Variants in ZNF718 observed in about 807,000 individuals in gnomAD.
ZNF718 encodes the protein zinc finger protein 718.
A neutral mutation model predicts 2.6 loss-of-function variants in ZNF718; 3 were observed. The observed-to-expected ratio is 1.16, with a 90% CI of 0.53 to 3.01. The LOEUF (loss-of-function observed/expected upper bound fraction) is 3.01, where lower values mean the gene tolerates loss of function less well. ZNF718 is among the 30% of genes most tolerant of loss of function. The pLI is 0.03. For missense variants in ZNF718, 468 were observed against 230.0 expected (o/e 2.03, Z -6.69); for synonymous variants, 135 against 77.9 (o/e 1.73, Z -3.86).
chr4:161,445 C>T lies in ZNF718; in HGVS notation c.760C>T (p.Pro254Ser), dbSNP rs1418146978. Reference protein sequence around the residue: ...KHKRIHTGEKPYICEKCGKAF... With the variant: ...KHKRIHTGEKSYICEKCGKAF... ...TAAGAGAATTCATACTGGAGAGAAA[C>T]CCTACATATGTGAAAAATGTGGTAA... is the stretch of plus-strand genomic sequence containing the variant. Residue 254 changes from proline to serine, a missense_variant, in exon 4 of 4, where the codon CCC (proline) becomes TCC (serine). Pro to Ser is a moderately conservative substitution (Grantham distance 74). Coordinates refer to ENST00000510175, the MANE Select transcript of ZNF718 (RefSeq NM_001039127.6). 1.3e-6 allele frequency: 1 copy of T among 780,242 alleles called. No individual in the cohort carries two copies. The highest frequency in any genetic ancestry group is 2.4e-5 in the East Asian group (1 of 41,224). 48.3% of individuals were successfully genotyped at this position (780,242 alleles called of 1,614,324 possible). A position where few individuals can be genotyped will look rare whatever the true frequency, so the allele number is the denominator to read the frequency against.
intron 3 of ZNF718, among the ~76,000 whole-genome samples, chr4:153,565 A>AG (rs1716432375): frequency 8.3e-6 from 1 of 121,196 alleles, no homozygotes; most frequent in African/African-American, 3.2e-5. Context: ...TCAGTTTTTC[A>AG]TATTTTTATC....
chr4:189,512 T>C (rs1717652008), intron 3 of ZNF718, among the ~76,000 whole-genome samples: 1 of 152,192 alleles, frequency 6.6e-6, no homozygotes, highest in Admixed American at 6.5e-5. Context: ...TTAATAAACT[T>C]TATTAGTTCA....
chr4:179,262 A>G (rs1312371778), intron 3 of ZNF718, among the ~76,000 whole-genome samples: 1 of 152,192 alleles, frequency 6.6e-6, no homozygotes, highest in Non-Finnish European at 1.5e-5. Context: ...TCTTTATGCC[A>G]ATATCACAAT....
chr4:168,140 G>A (rs1209435906), downstream of ZNF718, among the ~76,000 whole-genome samples: 3 of 152,144 alleles, frequency 2.0e-5, no homozygotes, highest in Non-Finnish European at 4.4e-5. Flanking sequence ...CTGTTTAGAT[G>A]CTGGATTACG....
intron 3 of ZNF718, among the ~76,000 whole-genome samples, chr4:170,804 A>G (rs1485021527): frequency 2.0e-5 from 3 of 152,068 alleles, no homozygotes; most frequent in Non-Finnish European, 4.4e-5. Flanking sequence ...TTCCTCCTTT[A>G]GTTCGGAGTA....
chr4:144,043 A>C (rs150693888), intron 3 of ZNF718, among the ~76,000 whole-genome samples: 1 of 152,268 alleles, frequency 6.6e-6, no homozygotes, highest in African/African-American at 2.4e-5. Context: ...TCCTCTCCAT[A>C]GGGCATCCAC....
chr4:185,123 T>G (rs1717541569), intron 3 of ZNF718, among the ~76,000 whole-genome samples: 1 of 152,158 alleles, frequency 6.6e-6, no homozygotes, highest in African/African-American at 2.4e-5. Flanking sequence ...TTTTAGCTTT[T>G]TAATATGGAC....
downstream of ZNF718, among the ~76,000 whole-genome samples, chr4:166,141 G>A (rs1717081926): frequency 6.6e-6 from 1 of 152,088 alleles, no homozygotes; most frequent in African/African-American, 2.4e-5. Flanking sequence ...GAGAATGATG[G>A]TTTCCAGCTT....
chr4:143,147 A>G (rs1553810558), intron 3 of ZNF718, among the ~76,000 whole-genome samples: 1 of 152,180 alleles, frequency 6.6e-6, no homozygotes, highest in African/African-American at 2.4e-5. Flanking sequence ...AAGGCCCTAA[A>G]TTTTGGACAC....
At chr4:187,188 GTTTTTTTGT>G (rs1260928410) in intron 3 of ZNF718, among the ~76,000 whole-genome samples, 2 of 151,742 alleles carry the variant, frequency 1.3e-5, no homozygotes, top group Non-Finnish European at 2.9e-5. Flanking sequence ...TCCAGGCTTG[GTTTTTTTGT>G]TTTTTTGTTT....
At chr4:182,402 T>A (rs979730672) in intron 3 of ZNF718, among the ~76,000 whole-genome samples, 2 of 137,932 alleles carry the variant, frequency 1.4e-5, no homozygotes, top group African/African-American at 2.7e-5. Flanking sequence ...TGATTTTGAT[T>A]TATATTTATT....
chr4:167,943 A>C (rs2108808558), downstream of ZNF718, among the ~76,000 whole-genome samples: 1 of 152,222 alleles, frequency 6.6e-6, no homozygotes, highest in South Asian at 2.1e-4. Context: ...TTCAAAGGGA[A>C]TGCTTCCCTT....
At chr4:142,513 G>C (rs1204947454) in intron 3 of ZNF718, among the ~76,000 whole-genome samples, 1 of 152,170 alleles carries the variant, frequency 6.6e-6, no homozygotes, top group Non-Finnish European at 1.5e-5. Flanking sequence ...GGGCTAAAGA[G>C]ACCATTGCCA....
At chr4:146,564 T>C (rs1236104179) in intron 3 of ZNF718, among the ~76,000 whole-genome samples, 2 of 152,160 alleles carry the variant, frequency 1.3e-5, no homozygotes, top group African/African-American at 4.8e-5. Flanking sequence ...CTCATAAAAC[T>C]GAATGTCTGT....
chr4:162,886 G>C lies in ZNF718; in HGVS notation c.*764G>C, dbSNP rs2108805767. 6.6e-6 allele frequency: 1 copy of C among 152,174 alleles called. No homozygotes were observed. Among genetic ancestry groups the C allele is most frequent in the South Asian group, 2.1e-4 (1 of 4,826 alleles). 9.4% of individuals were successfully genotyped at this position (152,174 alleles called of 1,614,324 possible). The stretch of plus-strand genomic sequence containing the variant: ...ACTAAATGTCAGAATATTTACAGTA[G>C]AAAGAAAAAGGCATTAACACTTGAA... On this transcript the variant is annotated 3_prime_UTR_variant, in exon 4 of 4. Coordinates refer to ENST00000510175, the MANE Select transcript of ZNF718 (RefSeq NM_001039127.6).
intron 3 of ZNF718, among the ~76,000 whole-genome samples, chr4:173,812 G>A (rs1553818581): frequency 6.6e-6 from 1 of 152,130 alleles, no homozygotes; most frequent in Non-Finnish European, 1.5e-5. Context: ...GGCTGAGCGA[G>A]GGATGAAAGA....
chr4:174,192 C>G (rs2108811208), intron 3 of ZNF718, among the ~76,000 whole-genome samples: 1 of 152,256 alleles, frequency 6.6e-6, no homozygotes, highest in East Asian at 1.9e-4. Flanking sequence ...ACCTCCCGGC[C>G]TTCCAAGAAG....
At chr4:144,772 A>T (rs1207870741) in intron 3 of ZNF718, among the ~76,000 whole-genome samples, 1 of 152,308 alleles carries the variant, frequency 6.6e-6, no homozygotes, top group African/African-American at 2.4e-5. Flanking sequence ...TGGCTACCGT[A>T]AATGGAATTA....
At chr4:131,378 T>G in intron 2 of ZNF718, 32 bp from the exon 3 acceptor site, 1 of 347,702 alleles carries the variant, frequency 2.9e-6, no homozygotes, top group Non-Finnish European at 4.9e-6. Flanking sequence ...TCCCCAGCAA[T>G]AGTCATGTTA....
Sources: allele counts gnomAD v4.1 joint callset (sites outside exome capture counted in the v4.1 genomes callset), GRCh38; gene constraint gnomAD v4.1.1; transcripts MANE v1.5; gene names NCBI Gene and HGNC (gene_info 2026-07-23, HGNC 2026-07-21).